Variants in CRB2 observed in about 807,000 individuals in gnomAD.
CRB2 encodes crumbs cell polarity complex component 2, also known as protein crumbs homolog 2.
A neutral mutation model predicts 110.9 loss-of-function variants in CRB2; 85 were observed. The observed-to-expected ratio is 0.77, with a 90% confidence interval of 0.64 to 0.92. The LOEUF is 0.92. Among genes scored for constraint, CRB2 ranks in the 40% least tolerant of loss-of-function variants. CRB2 has a pLI of 0.00. For missense variants in CRB2, 1,843 were observed against 1,851.3 expected (o/e 1.00, Z 0.08); for synonymous variants, 907 against 831.0 (o/e 1.09, Z -1.57).
chr9:123,359,432 T>TTG (rs1269065890), intron 1 of CRB2, among the ~76,000 whole-genome samples: 3 of 91,764 alleles, frequency 3.3e-5, no homozygotes, highest in Admixed American at 1.2e-4. Flanking sequence ...GGTTTTTCGT[T>TTG]TTTGTTTTGT....
chr9:123,367,475 C>G (rs2041954016), intron 5 of CRB2, 98 bp from the exon 6 acceptor site: 2 of 1,130,940 alleles, frequency 1.8e-6, no homozygotes, highest in Non-Finnish European at 2.4e-6. Flanking sequence ...AGTCTGCCCT[C>G]TCTCTTGGAC....
At chr9:123,375,415 G>C in intron 12 of CRB2, 72 bp downstream of exon 12, 1 of 1,480,800 alleles carries the variant, frequency 6.8e-7, no homozygotes. Flanking sequence ...GCTGGGGAGA[G>C]AGCGCAGCAC....
chr9:123,354,293 G>A (rs531490105), upstream of CRB2, among the ~76,000 whole-genome samples: 10 of 152,364 alleles, frequency 6.6e-5, no homozygotes, highest in South Asian at 2.1e-3. Flanking sequence ...AGAGGAGACT[G>A]GACCTGCGCC....
chr9:123,375,139 G>T (rs2042083471), intron 11 of CRB2, 78 bp from the exon 12 acceptor site: 2 of 1,589,184 alleles, frequency 1.3e-6, no homozygotes, highest in Admixed American at 3.4e-5. Context: ...GCTGAAGTGG[G>T]GATGGGCAGC....
Position 123,367,477 on chromosome 9 carries a change from C to T in CRB2, c.941-96C>T, listed in dbSNP as rs1018919545. The T allele has an allele frequency of 3.3e-6, 4 of 1,211,670 alleles. No individual in the cohort carries two copies. The African/African-American group carries it at 6.3e-5, about 19-fold the overall frequency. The allele number at this position is 1,211,670 out of a possible 1,614,324, so 75.1% of individuals were successfully genotyped here. ...CACCCCACACCCGAGTCTGCCCTCT[C>T]TCTTGGACTCAGTCTCTCTAGCTAT... On this transcript the variant is annotated intron_variant, in intron 5 of 12. Transcript: ENST00000373631.
intron 1 of CRB2, among the ~76,000 whole-genome samples, chr9:123,357,544 C>G (rs1269969368): frequency 6.6e-6 from 1 of 151,512 alleles, no homozygotes; most frequent in African/African-American, 2.4e-5. Flanking sequence ...TGAAGGAAAC[C>G]AAGGCTCAGA....
chr9:123,370,839 G>A lies in CRB2; in HGVS notation c.1786G>A (p.Gly596Ser), dbSNP rs1218300959. 3.1e-6 allele frequency: 5 copies of A among 1,606,912 alleles called. No homozygotes were observed. The highest frequency in any genetic ancestry group is 2.2e-5 in the East Asian group (1 of 44,888). Residue 596 changes from glycine (G) to serine (S), a missense_variant, in exon 7 of 13, where the codon GGT becomes AGT. Transcript: ENST00000373631. ...DGHLLLPEDL[G>S]ENVLLGCERR... ...CCACCTCCTGCTGCCTGAGGATCTC[G>A]GTGAGAACGTCCTCCTGGGCTGTGA...
upstream of CRB2, among the ~76,000 whole-genome samples, chr9:123,355,789 G>A (rs1182629000): frequency 6.6e-6 from 1 of 151,584 alleles, no homozygotes; most frequent in Admixed American, 6.6e-5. Flanking sequence ...TCTGGGAGGC[G>A]ACTGGACTCG....
intron 6 of CRB2, chr9:123,368,789 A>C (rs1281102197): frequency 1.7e-6 from 2 of 1,176,798 alleles, no homozygotes; most frequent in Middle Eastern, 3.8e-4. Context: ...ATTCCTGAGC[A>C]GGCTCCGAAG....
Position 123,365,682 on chromosome 9 carries a change from C to G in CRB2, c.419-235C>G, listed in dbSNP as rs191685589. The stretch of plus-strand genomic sequence containing the variant: ...GGTAATTACTGGCTGAATCACCCCC[C>G]ACCATGTCCTGGCCTAGACTGCTGT... On this transcript the variant is annotated intron_variant, in intron 2 of 12. Coordinates refer to ENST00000373631, the MANE Select transcript of CRB2 (RefSeq NM_173689.7). 1.2e-3 allele frequency among the ~76,000 whole-genome samples: 180 copies of G among 152,314 alleles called. 4 individuals carry two copies. Among genetic ancestry groups the G allele is most frequent in the Non-Finnish European group, 1.2e-4 (8 of 68,024 alleles).
At chr9:123,375,944 G>C (rs2042096672) in intron 12 of CRB2, among the ~76,000 whole-genome samples, 1 of 152,106 alleles carries the variant, frequency 6.6e-6, no homozygotes, top group Admixed American at 6.5e-5. Context: ...AGGCTTGGAA[G>C]GGAAGTCTGG....
chr9:123,356,337 C>A lies in CRB2; in HGVS notation c.77C>A (p.Ala26Asp), dbSNP rs1020318058. ...CTGCTACTGCTGCTCTGGGCCCCTG[C>A]CCTTTCCCTCCTGGCTGGTGAGTTG... is the stretch of plus-strand genomic sequence containing the variant. ...SVLLLLLWAP[A>D]LSLLAGTVPS... is the part of the protein sequence containing the mutation. The change falls in exon 1 of 13, where the codon GCC becomes GAC. Residue 26 changes from alanine to aspartate, a missense_variant. Physicochemically the swap from Ala to Asp is moderately radical, Grantham distance 126 (BLOSUM62 -2). Transcript: ENST00000373631. The A allele has an allele frequency of 5.9e-5, 91 of 1,547,144 alleles. No homozygotes were observed. Among genetic ancestry groups the A allele is most frequent in the Non-Finnish European group, 7.4e-5 (85 of 1,145,822 alleles).
Position 123,376,964 on chromosome 9 carries a change from T to A in CRB2, c.3760T>A (p.Ser1254Thr). The change falls in exon 13 of 13, where the codon TCT becomes ACT. Residue 1254 changes from serine (S) to threonine (T), a missense_variant. By Grantham distance (58) the Ser-to-Thr change is moderately conservative (BLOSUM62 1). Coordinates refer to ENST00000373631, the MANE Select transcript of CRB2 (RefSeq NM_173689.7). ...GILAARKRRQ[S>T]EGTYSPSQQE... ...CCTGGCAGCCCGAAAGCGCCGCCAG[T>A]CTGAGGGCACCTACAGCCCAAGCCA... 2 of 1,608,154 alleles carry A rather than the reference T, an allele frequency of 1.2e-6. No individual in the cohort carries two copies. Among genetic ancestry groups the A allele is most frequent in the Non-Finnish European group, 1.7e-6 (2 of 1,178,342 alleles).
Position 123,370,894 on chromosome 9 carries a change from G to A in CRB2, c.1841G>A (p.Cys614Tyr), listed in dbSNP as rs772447477. ...CGAGAGCAGTGCCGGCCTCTGCCTT[G>A]TGTCCACGGAGGGTCCTGTGTGGAT... ...ERREQCRPLP[C>Y]VHGGSCVDLW... Residue 614 changes from cysteine to tyrosine, a missense_variant, in exon 7 of 13, where the codon TGT becomes TAT. Coordinates refer to ENST00000373631, the MANE Select transcript of CRB2 (RefSeq NM_173689.7). The A allele has an allele frequency of 1.1e-5, 18 of 1,612,676 alleles. No individual in the cohort carries two copies. Among genetic ancestry groups the A allele is most frequent in the Non-Finnish European group, 1.4e-5 (17 of 1,180,032 alleles).
Position 123,370,748 on chromosome 9 carries a change from G to A in CRB2, c.1695G>A (p.Gly565=). ...STASATPLPA[G]ISSAQLGDAT... ...CTTCGGCAACTCCGCTGCCTGCCGG[G>A]ATCTCCTCTGCCCAGCTGGGGGACG... Residue 565 remains glycine (G), a synonymous_variant, in exon 7 of 13, where the codon GGG becomes GGA. Coordinates refer to ENST00000373631, the MANE Select transcript of CRB2 (RefSeq NM_173689.7). 6.2e-7 allele frequency: 1 copy of A among 1,602,904 alleles called. No individual in the cohort carries two copies. The highest frequency in any genetic ancestry group is 8.5e-7 in the Non-Finnish European group (1 of 1,179,750).
At chr9:123,360,412 C>G (rs1043198460) in intron 1 of CRB2, among the ~76,000 whole-genome samples, 2 of 152,184 alleles carry the variant, frequency 1.3e-5, no homozygotes, top group African/African-American at 4.8e-5. Flanking sequence ...CAGCCTGGCC[C>G]GGGAAGGGGG....
rs569278614 is a variant in CRB2 at position 123,367,129 on chromosome 9, G to A, written c.755-43G>A. 65 of 1,516,520 alleles carry A rather than the reference G, an allele frequency of 4.3e-5. No homozygotes were observed. The Admixed American group carries it at 1.1e-3, about 25-fold the overall frequency. 93.9% of individuals were successfully genotyped at this position (1,516,520 alleles called of 1,614,324 possible). A position where few individuals can be genotyped will look rare whatever the true frequency, so the allele number is the denominator to read the frequency against. ...TGGTCATAGTGAAGAGGTGCTGCCC[G>A]GCAACCCCGTGAGACCTGATGTCCG... On this transcript the variant is annotated intron_variant, in intron 4 of 12. Transcript: ENST00000373631.
intron 9 of CRB2, 142 bp downstream of exon 9, chr9:123,372,484 G>A: frequency 1.9e-6 from 2 of 1,064,424 alleles, no homozygotes; most frequent in East Asian, 2.6e-5. Flanking sequence ...GCCACCGCAT[G>A]TAGAGGGACA....
In CRB2 at chr9:123,370,394, C is replaced by T. The variant is rs1056808771; in HGVS notation, c.1341C>T (p.Ser447=). 3 of 1,613,660 alleles carry T rather than the reference C, an allele frequency of 1.9e-6. No homozygotes were observed. The highest frequency in any genetic ancestry group is 2.5e-6 in the Non-Finnish European group (3 of 1,180,034). Residue 447 remains serine, a synonymous_variant, in exon 7 of 13, where the codon AGC becomes AGT. Transcript: ENST00000373631. ...QNTTFSVMAG[S]PIQASVPAGG... ...CCACCTTCTCTGTGATGGCTGGGAG[C>T]CCCATTCAGGCATCAGTGCCAGCTG...
Sources: allele counts gnomAD v4.1 joint callset (sites outside exome capture counted in the v4.1 genomes callset), GRCh38; gene constraint gnomAD v4.1.1; transcripts MANE v1.5; gene names NCBI Gene and HGNC (gene_info 2026-07-23, HGNC 2026-07-21).